PCDH11X: variants seen among roughly 807,000 people sequenced by gnomAD.
PCDH11X encodes protocadherin-11 X-linked.
In PCDH11X, 18 loss-of-function variants were observed where a neutral mutation model predicts 53.3. The ratio of observed to expected loss-of-function variants is 0.34; its 90% CI spans 0.23 to 0.50. The LOEUF (loss-of-function observed/expected upper bound fraction) is 0.50, where lower values mean the gene tolerates loss of function less well. PCDH11X is among the 20% of genes least tolerant of loss of function. PCDH11X has a pLI of 0.98. For missense variants in PCDH11X, 570 were observed against 1,032.4 expected, an observed-to-expected ratio of 0.55 and a Z score of 6.14; for synonymous variants, 279 against 393.3, an observed-to-expected ratio of 0.71 and a Z score of 3.44.
At chrX:91,989,194 ACTT>A (rs1460838259) in intron 6 of PCDH11X, among the ~76,000 whole-genome samples, 1 of 110,195 alleles carries the variant, frequency 9.1e-6, no homozygotes, top group Non-Finnish European at 1.9e-5. Flanking sequence ...TGTTGCTTAC[ACTT>A]CTTAAATAAA....
rs961235313 is a variant in PCDH11X at position 92,157,194 on chromosome X, A to G, written c.3034-44181A>G. Among the ~76,000 whole-genome samples the G allele has an allele frequency of 1.3e-4, 15 of 111,697 alleles. 1 individual carries two copies. Among genetic ancestry groups the G allele is most frequent in the Admixed American group, 1.2e-3 (13 of 10,484 alleles). ...ACACTAAGGCATCTTCCTGGTGTGC[A>G]GGATTGTGGCTTTTATGAACGTCTG... On this transcript the variant is annotated intron_variant, in intron 6 of 10. Transcript: ENST00000682573.
intron 6 of PCDH11X, among the ~76,000 whole-genome samples, chrX:92,011,177 A>C (rs2147979832): frequency 8.9e-6 from 1 of 112,334 alleles, no homozygotes; most frequent in Non-Finnish European, 1.9e-5. Context: ...ATAGTGCTGT[A>C]ATGAACATAC....
At chrX:91,895,078 C>A (rs893671714) in intron 6 of PCDH11X, among the ~76,000 whole-genome samples, 7 of 110,962 alleles carry the variant, frequency 6.3e-5, no homozygotes, top group African/African-American at 2.3e-4. Context: ...TAAGGTGACT[C>A]TTTTTACTCA....
intron 6 of PCDH11X, among the ~76,000 whole-genome samples, chrX:92,064,265 T>C (rs935014426): frequency 1.9e-4 from 21 of 108,557 alleles, no homozygotes; most frequent in South Asian, 4.0e-4. Flanking sequence ...CACATTTGCA[T>C]TGGCAGCAGT....
chrX:91,884,297 C>G (rs1940097855), intron 6 of PCDH11X, among the ~76,000 whole-genome samples: 1 of 106,692 alleles, frequency 9.4e-6, no homozygotes, highest in South Asian at 4.0e-4. Context: ...TTTTATCTGT[C>G]AAAAGGAGAA....
At chrX:92,587,948 G>A (rs1025647336) in intron 10 of PCDH11X, among the ~76,000 whole-genome samples, 1 of 110,305 alleles carries the variant, frequency 9.1e-6, no homozygotes, top group African/African-American at 3.3e-5. Context: ...AAGAATTACT[G>A]TGATATTCAC....
chrX:92,117,302 G>A (rs1264011050), intron 6 of PCDH11X, among the ~76,000 whole-genome samples: 1 of 109,661 alleles, frequency 9.1e-6, no homozygotes, highest in African/African-American at 3.3e-5. Context: ...CGAGCATGGT[G>A]GCGGACACCT....
chrX:92,129,797 G>A (rs1338431856), intron 6 of PCDH11X, among the ~76,000 whole-genome samples: 1 of 111,435 alleles, frequency 9.0e-6, no homozygotes, highest in African/African-American at 3.3e-5. Flanking sequence ...CTCCATGGGA[G>A]ACAGAAAGGT....
intron 7 of PCDH11X, among the ~76,000 whole-genome samples, chrX:92,202,069 A>G (rs772687145): frequency 1.8e-5 from 2 of 111,470 alleles, no homozygotes; most frequent in African/African-American, 3.3e-5. Context: ...CAAGTGGGCA[A>G]TTTGAGAAAT....
intron 10 of PCDH11X, among the ~76,000 whole-genome samples, chrX:92,603,652 T>C (rs1258838436): frequency 6.8e-5 from 7 of 103,338 alleles, no homozygotes; most frequent in African/African-American, 1.4e-4. Context: ...TAAGAAATAA[T>C]TTTTTATCCA....
chrX:92,106,361 G>A (rs2064384071), intron 6 of PCDH11X, among the ~76,000 whole-genome samples: 1 of 109,176 alleles, frequency 9.2e-6, no homozygotes, highest in African/African-American at 3.4e-5. Context: ...GAACAATTCT[G>A]GCTATGTTTA....
At position 92,604,820 on chromosome X, in the gene PCDH11X, A is replaced by G. The variant is rs200880780; in HGVS notation, c.3368-13444A>G. ...ATATCCGGCAATAAAAGACTTTAAA[A>G]TATGTTACCAGAAATAAAGAGGAAC... On this transcript the variant is annotated intron_variant, in intron 10 of 10. Transcript: ENST00000682573. 3.5e-4 allele frequency among the ~76,000 whole-genome samples: 38 copies of G among 109,296 alleles called. No homozygotes were observed. The East Asian group carries it at 9.1e-3, about 26-fold the overall frequency. The allele number at this position is 109,296 out of a possible 115,157, so 94.9% of individuals were successfully genotyped here.
At chrX:91,886,815 C>CAA (rs1274846928) in intron 6 of PCDH11X, among the ~76,000 whole-genome samples, 4 of 107,637 alleles carry the variant, frequency 3.7e-5, no homozygotes, top group Non-Finnish European at 7.7e-5. Context: ...ACTAAAAATA[C>CAA]AAAAAATTAG....
At chrX:92,150,454 A>C (rs2148238325) in intron 6 of PCDH11X, among the ~76,000 whole-genome samples, 1 of 109,066 alleles carries the variant, frequency 9.2e-6, no homozygotes, top group African/African-American at 3.3e-5. Flanking sequence ...CTTGCTATTA[A>C]GTCAAACAAG....
chrX:92,349,785 A>G (rs1483733647), intron 8 of PCDH11X, among the ~76,000 whole-genome samples: 1 of 111,151 alleles, frequency 9.0e-6, no homozygotes, highest in Admixed American at 9.6e-5. Context: ...GATATTCAGC[A>G]CTTTACTATA....
At chrX:92,367,649 A>G (rs147623357) in intron 8 of PCDH11X, among the ~76,000 whole-genome samples, 1,243 of 111,676 alleles carry the variant, frequency 0.011, 24 homozygotes, top group African/African-American at 0.039. Flanking sequence ...TTTCCTTTCA[A>G]TATTTAATGC....
chrX:91,882,428 C>T (rs1338266854), intron 6 of PCDH11X, among the ~76,000 whole-genome samples: 2 of 110,250 alleles, frequency 1.8e-5, no homozygotes, highest in Admixed American at 1.9e-4. Context: ...CCAAGTCTTG[C>T]TTAATACAAT....
At chrX:92,307,788 T>TA (rs2068863288) in intron 8 of PCDH11X, among the ~76,000 whole-genome samples, 1 of 101,638 alleles carries the variant, frequency 9.8e-6, no homozygotes, top group Non-Finnish European at 2.0e-5. Flanking sequence ...TTCTTAGAAC[T>TA]AAAAATCAGT....
intron 10 of PCDH11X, among the ~76,000 whole-genome samples, chrX:92,519,895 A>T (rs2074337697): frequency 9.1e-6 from 1 of 110,280 alleles, no homozygotes; most frequent in African/African-American, 3.3e-5. Context: ...ATCTTTGGAG[A>T]TTTGAATTTT....
Sources: gnomAD v4.1 joint callset for allele counts (sites outside exome capture counted in the v4.1 genomes callset) on GRCh38, gnomAD v4.1.1 for gene constraint, MANE v1.5 for transcripts, NCBI Gene and HGNC (gene_info 2026-07-23, HGNC 2026-07-21) for gene names.